The following FOXK2 variants were observed in gnomAD, a reference collection of about 807,000 sequenced individuals.
FOXK2 encodes forkhead box protein K2.
In FOXK2, 24 loss-of-function variants were observed where a neutral mutation model predicts 53.3. That is an observed-to-expected ratio of 0.45 (90% CI 0.33 to 0.63). The LOEUF is 0.63. Ranked by LOEUF, FOXK2 falls within the 30% of genes least tolerant of loss-of-function variation. The pLI is 0.03. For missense variants in FOXK2, 952 were observed against 910.5 expected (o/e 1.05, Z -0.59); for synonymous variants, 505 against 407.1 (o/e 1.24, Z -2.89).
At chr17:82,537,033 A>G (rs554333497) in intron 1 of FOXK2, among the ~76,000 whole-genome samples, 8 of 152,332 alleles carry the variant, frequency 5.3e-5, no homozygotes, top group African/African-American at 1.9e-4. Flanking sequence ...ACTTAAGGTT[A>G]GAAAACATTG....
rs1278573610 is a variant in FOXK2, at chr17:82,601,583, G to A, written c.*84G>A. 5 of 1,384,430 alleles carry A rather than the reference G, an allele frequency of 3.6e-6. No individual in the cohort carries two copies. In the East Asian group the frequency reaches 7.4e-5, roughly 21 times the overall value. The allele number at this position is 1,384,430 out of a possible 1,614,324, so 85.8% of individuals were successfully genotyped here. On this transcript the variant is annotated 3_prime_UTR_variant, in exon 9 of 9. Transcript: ENST00000335255. Reference sequence around the variant, plus strand: ...CCTCCCGCCAGCACTCGGGGGTGCAGGGCCCTGTGGTTGGACTTCACCTCT... The same window carrying A: ...CCTCCCGCCAGCACTCGGGGGTGCAAGGCCCTGTGGTTGGACTTCACCTCT...
At chr17:82,600,636 T>C (rs1314635467) in intron 8 of FOXK2, 1 of 152,284 alleles carries the variant, frequency 6.6e-6, no homozygotes, top group Non-Finnish European at 1.5e-5. Context: ...ACCCATCGCA[T>C]GTTAGTTGGA....
chr17:82,528,034 G>A (rs1351106526), intron 1 of FOXK2, among the ~76,000 whole-genome samples: 1 of 152,136 alleles, frequency 6.6e-6, no homozygotes. Context: ...CTGTCCTCAA[G>A]CAGTCCCCCC....
In FOXK2 at chr17:82,569,223, C is replaced by T. The variant is rs371797729; in HGVS notation, c.762+1022C>T. ...GGAAGTGTGATCTATCCCAGCAGAA[C>T]GCAGCACAGCCATGAGAATGAATAA... is the stretch of plus-strand genomic sequence containing the variant. On this transcript the variant is annotated intron_variant, in intron 3 of 8. Coordinates refer to ENST00000335255, the MANE Select transcript of FOXK2 (RefSeq NM_004514.4). Among the ~76,000 whole-genome samples, 199 of 152,264 alleles carry T rather than the reference C, an allele frequency of 1.3e-3. 7 individuals are homozygous for T. In the South Asian group the frequency reaches 0.04, roughly 31 times the overall value.
rs946183263 is a variant in FOXK2, at chr17:82,571,594, C to G, written c.763-130C>G. Reference sequence around the variant, plus strand: ...CCAGCCTGGGCGACACAGCGAGACTCTGTCTCAAAAAAAAGACAAATGAGG... The same window carrying G: ...CCAGCCTGGGCGACACAGCGAGACTGTGTCTCAAAAAAAAGACAAATGAGG... On this transcript the variant is annotated intron_variant, in intron 3 of 8. Coordinates refer to ENST00000335255, the MANE Select transcript of FOXK2 (RefSeq NM_004514.4). 14 of 971,522 alleles carry G rather than the reference C, an allele frequency of 1.4e-5. No homozygotes were observed. The Admixed American group carries it at 5.5e-4, about 38-fold the overall frequency. 60.2% of individuals were successfully genotyped at this position (971,522 alleles called of 1,614,324 possible).
intron 1 of FOXK2, among the ~76,000 whole-genome samples, chr17:82,547,532 C>T (rs138458556): frequency 1.3e-5 from 2 of 152,132 alleles, no homozygotes; most frequent in African/African-American, 2.4e-5. Context: ...TTTCATCCTG[C>T]TTAGTTGCTA....
At chr17:82,579,035 C>T (rs1313945330) in intron 4 of FOXK2, among the ~76,000 whole-genome samples, 2 of 152,178 alleles carry the variant, frequency 1.3e-5, no homozygotes, top group Admixed American at 6.5e-5. Flanking sequence ...TCTTCAGACT[C>T]GGATGCTGCG....
intron 1 of FOXK2, among the ~76,000 whole-genome samples, chr17:82,535,557 A>G (rs1000839429): frequency 3.3e-5 from 5 of 152,010 alleles, no homozygotes; most frequent in African/African-American, 1.2e-4. Flanking sequence ...CCCATCTTCA[A>G]GTTTCCTGAT....
At position 82,587,208 on chromosome 17, in the gene FOXK2, T is replaced by C; in HGVS notation, c.1722T>C (p.Thr574=). 1.9e-6 allele frequency: 3 copies of C among 1,613,074 alleles called. No homozygotes were observed. The highest frequency in any genetic ancestry group is 2.5e-6 in the Non-Finnish European group (3 of 1,180,000). ...PLGQHQLPIK[T]VTQNGTHVAS... is the part of the protein sequence containing the mutation. ...GTCAACACCAGCTACCAATAAAAAC[T>C]GTAACACAAAACGGCACTCACGTGG... The change falls in exon 8 of 9, where the codon ACT becomes ACC. Residue 574 remains threonine (T), a synonymous_variant. Coordinates refer to ENST00000335255, the MANE Select transcript of FOXK2 (RefSeq NM_004514.4).
At chr17:82,593,838 G>A (rs1396790599) in intron 8 of FOXK2, 1 of 152,298 alleles carries the variant, frequency 6.6e-6, no homozygotes, top group Non-Finnish European at 1.5e-5. Context: ...ACGTCTGAGG[G>A]TCCCTGGACG....
At position 82,587,115 on chromosome 17, in the gene FOXK2, C is replaced by T. The variant is rs762139465; in HGVS notation, c.1629C>T (p.Ser543=). 3.7e-6 allele frequency: 6 copies of T among 1,613,110 alleles called. No homozygotes were observed. In the Admixed American group the frequency reaches 5.0e-5, roughly 13 times the overall value. Residue 543 remains serine, a synonymous_variant, in exon 8 of 9, where the codon AGC becomes AGT. Coordinates refer to ENST00000335255, the MANE Select transcript of FOXK2 (RefSeq NM_004514.4). ...AIGHATLGTA[S]RIIQTAQTTP... Reference sequence around the variant, plus strand: ...GCCACGCCACGCTCGGCACTGCCAGCCGGATCATTCAGACGGCACAGACCA... The same window carrying T: ...GCCACGCCACGCTCGGCACTGCCAGTCGGATCATTCAGACGGCACAGACCA...
intron 8 of FOXK2, among the ~76,000 whole-genome samples, chr17:82,597,138 G>A (rs1317250211): frequency 6.6e-6 from 1 of 152,218 alleles, no homozygotes; most frequent in Non-Finnish European, 1.5e-5. Flanking sequence ...AGGTCACGTG[G>A]GCCCGAGGTG....
chr17:82,597,322 G>A (rs572273708), intron 8 of FOXK2, among the ~76,000 whole-genome samples: 13 of 152,330 alleles, frequency 8.5e-5, no homozygotes, highest in African/African-American at 2.9e-4. Context: ...TCAGGAGCAT[G>A]TGCCCAACTC....
intron 5 of FOXK2, among the ~76,000 whole-genome samples, chr17:82,583,667 A>T (rs2045094146): frequency 6.6e-6 from 1 of 152,226 alleles, no homozygotes; most frequent in Non-Finnish European, 1.5e-5. Flanking sequence ...CAAAAAAAAA[A>T]ATGAGCGTAA....
At chr17:82,538,893 A>G (rs1377112247) in intron 1 of FOXK2, among the ~76,000 whole-genome samples, 4 of 152,148 alleles carry the variant, frequency 2.6e-5, no homozygotes, top group Non-Finnish European at 4.4e-5. Context: ...TCTCCTTCCA[A>G]AACAGTTAGA....
Position 82,532,231 on chromosome 17 carries a change from G to A in FOXK2, c.419+11924G>A, listed in dbSNP as rs893566251. ...GCGTTCTCGGCTCACTGCAGCCTCC[G>A]CCTCCTTGGTTCAAGCAATTCTCCT... On this transcript the variant is annotated intron_variant, in intron 1 of 8. Transcript: ENST00000335255. Among the ~76,000 whole-genome samples, 11 of 151,862 alleles carry A rather than the reference G, an allele frequency of 7.2e-5. No individual in the cohort carries two copies. In the Middle Eastern group the frequency reaches 0.01, roughly 142 times the overall value.
At chr17:82,563,596 A>T in intron 2 of FOXK2, 48 bp downstream of exon 2, 1 of 1,541,208 alleles carries the variant, frequency 6.5e-7, no homozygotes, top group Non-Finnish European at 8.8e-7. Context: ...TCCCAGTGGC[A>T]GCCCCAAGTA....
At chr17:82,586,921 C>G (rs1368529795) in intron 7 of FOXK2, 142 bp from the exon 8 acceptor site, 2 of 780,010 alleles carry the variant, frequency 2.6e-6, no homozygotes, top group Non-Finnish European at 2.1e-6. Context: ...AAAAGATTTG[C>G]TCATCTTTTT....
At chr17:82,595,717 T>TC in intron 8 of FOXK2, 1 of 1,250,186 alleles carries the variant, frequency 8.0e-7, no homozygotes, top group Non-Finnish European at 1.0e-6. Context: ...GTGTCACTAT[T>TC]CCCTGGGCCC....
Sources: gnomAD v4.1 joint callset for allele counts (sites outside exome capture counted in the v4.1 genomes callset) on GRCh38, gnomAD v4.1.1 for gene constraint, MANE v1.5 for transcripts, NCBI Gene and HGNC (gene_info 2026-07-23, HGNC 2026-07-21) for gene names.